The following SGCZ variants were observed in gnomAD, a reference collection of about 807,000 sequenced individuals.
SGCZ encodes zeta-sarcoglycan.
In SGCZ, 40 loss-of-function variants were observed where a neutral mutation model predicts 41.3. That is an observed-to-expected ratio of 0.97 (90% CI 0.75 to 1.26). SGCZ has a LOEUF of 1.26. Among genes scored for constraint, SGCZ ranks in the 50% most tolerant of loss-of-function variants. The pLI is 0.00. For missense variants in SGCZ, 552 were observed against 369.8 expected, an observed-to-expected ratio of 1.49 and a Z score of -4.04; for synonymous variants, 206 against 137.5, an observed-to-expected ratio of 1.50 and a Z score of -3.49.
At chr8:14,994,206 A>G (rs1802127132) in intron 1 of SGCZ, among the ~76,000 whole-genome samples, 1 of 152,180 alleles carries the variant, frequency 6.6e-6, no homozygotes, top group South Asian at 2.1e-4. Flanking sequence ...TGGTCTCATC[A>G]TGGGCTGTTA....
At chr8:14,415,512 G>C (rs1321071091) in intron 2 of SGCZ, among the ~76,000 whole-genome samples, 2 of 151,834 alleles carry the variant, frequency 1.3e-5, no homozygotes, top group South Asian at 2.1e-4. Context: ...AAAGCGTTAA[G>C]TCAGAATGCT....
intron 6 of SGCZ, among the ~76,000 whole-genome samples, chr8:14,103,494 C>A (rs1031887914): frequency 1.3e-5 from 2 of 152,096 alleles, no homozygotes; most frequent in Non-Finnish European, 2.9e-5. Context: ...TTTTCTGAGG[C>A]AATGAATTCA....
intron 1 of SGCZ, among the ~76,000 whole-genome samples, chr8:14,748,583 T>G (rs1799405698): frequency 6.6e-6 from 1 of 152,146 alleles, no homozygotes; most frequent in Non-Finnish European, 1.5e-5. Context: ...CATGTTTCTC[T>G]GCCAGAAAAA....
At position 14,821,867 on chromosome 8, in the gene SGCZ, G is replaced by GA. The variant is rs1262718363; in HGVS notation, c.40-266942dup. 2.6e-5 allele frequency among the ~76,000 whole-genome samples: 4 copies of GA among 152,164 alleles called. No individual in the cohort carries two copies. The East Asian group carries it at 7.7e-4, about 29-fold the overall frequency. On this transcript the variant is annotated intron_variant, in intron 1 of 7. Transcript: ENST00000382080. ...CACAGCTACTATCATACCGAATGGG[G>GA]AAAAAGTCTACAGTTTTCACTCTAA...
intron 2 of SGCZ, among the ~76,000 whole-genome samples, chr8:14,358,032 T>C (rs1803357872): frequency 6.6e-6 from 1 of 152,196 alleles, no homozygotes; most frequent in Non-Finnish European, 1.5e-5. Flanking sequence ...CAATGGCCCG[T>C]GTTTATGCAT....
At chr8:14,703,152 A>C (rs1809223674) in intron 1 of SGCZ, among the ~76,000 whole-genome samples, 1 of 152,012 alleles carries the variant, frequency 6.6e-6, no homozygotes, top group Admixed American at 6.6e-5. Context: ...CCCTATTCAG[A>C]ACATTCCATG....
At chr8:14,425,566 A>G (rs1799757743) in intron 2 of SGCZ, among the ~76,000 whole-genome samples, 1 of 152,040 alleles carries the variant, frequency 6.6e-6, no homozygotes, top group East Asian at 1.9e-4. Context: ...CGTTGCAGTG[A>G]GCCAAGATCG....
chr8:14,776,501 C>A (rs1712133215), intron 1 of SGCZ, among the ~76,000 whole-genome samples: 1 of 149,758 alleles, frequency 6.7e-6, no homozygotes, highest in Admixed American at 6.8e-5. Context: ...CAGACTAATA[C>A]ACTTTTTTTT....
chr8:15,124,009 G>A (rs1465021735), intron 1 of SGCZ, among the ~76,000 whole-genome samples: 1 of 152,196 alleles, frequency 6.6e-6, no homozygotes. Context: ...CAAATGGCCT[G>A]GCAGCCTTGC....
At chr8:14,480,357 T>A (rs1038534066) in intron 2 of SGCZ, among the ~76,000 whole-genome samples, 2 of 152,176 alleles carry the variant, frequency 1.3e-5, no homozygotes, top group African/African-American at 2.4e-5. Flanking sequence ...CACCATATTC[T>A]CTTATTTTTT....
intron 2 of SGCZ, among the ~76,000 whole-genome samples, chr8:14,546,785 G>C (rs1446194281): frequency 6.6e-6 from 1 of 152,040 alleles, no homozygotes; most frequent in Non-Finnish European, 1.5e-5. Flanking sequence ...ATTTTTTGAA[G>C]AATATTTTTA....
chr8:14,475,430 CT>C (rs1041329389), intron 2 of SGCZ, among the ~76,000 whole-genome samples: 18 of 151,848 alleles, frequency 1.2e-4, no homozygotes, highest in Admixed American at 1.2e-3. Flanking sequence ...AACAAAAGTC[CT>C]TTTTTAAAGG....
At chr8:14,717,339 T>A (rs569002120) in intron 1 of SGCZ, among the ~76,000 whole-genome samples, 2 of 152,256 alleles carry the variant, frequency 1.3e-5, no homozygotes, top group African/African-American at 2.4e-5. Context: ...ATAAGTAAAA[T>A]ATATGTTTCC....
intron 1 of SGCZ, among the ~76,000 whole-genome samples, chr8:14,970,874 G>A (rs1328458622): frequency 6.6e-6 from 1 of 152,102 alleles, no homozygotes; most frequent in Non-Finnish European, 1.5e-5. Flanking sequence ...TATAAGTATA[G>A]ATCAACTTGA....
intron 1 of SGCZ, among the ~76,000 whole-genome samples, chr8:14,887,648 A>G (rs1804859671): frequency 6.6e-6 from 1 of 152,180 alleles, no homozygotes; most frequent in African/African-American, 2.4e-5. Flanking sequence ...TGATAACTAG[A>G]TGCAGGTTAG....
intron 1 of SGCZ, among the ~76,000 whole-genome samples, chr8:14,934,309 A>G (rs1563373951): frequency 6.6e-6 from 1 of 152,012 alleles, no homozygotes. Flanking sequence ...TATATAAAAT[A>G]TATGTGTCTG....
chr8:14,581,401 A>G (rs1043668221), intron 1 of SGCZ, among the ~76,000 whole-genome samples: 1 of 151,076 alleles, frequency 6.6e-6, no homozygotes, highest in Non-Finnish European at 1.5e-5. Context: ...GCCATGAGCC[A>G]CTGCGCCCGG....
chr8:14,095,497 T>C (rs920749455), intron 7 of SGCZ, among the ~76,000 whole-genome samples: 13 of 152,162 alleles, frequency 8.5e-5, no homozygotes, highest in Admixed American at 8.5e-4. Flanking sequence ...GCTGTTTTGG[T>C]TACTGTAGCC....
At chr8:14,305,281 C>T (rs571895791) in intron 3 of SGCZ, among the ~76,000 whole-genome samples, 1 of 152,198 alleles carries the variant, frequency 6.6e-6, no homozygotes, top group East Asian at 1.9e-4. Context: ...AGATGCCTTA[C>T]AATTAACATT....
Sources: allele counts gnomAD v4.1 joint callset (sites outside exome capture counted in the v4.1 genomes callset), GRCh38; gene constraint gnomAD v4.1.1; transcripts MANE v1.5; gene names NCBI Gene and HGNC (gene_info 2026-07-23, HGNC 2026-07-21).